TRPM6: variants seen among roughly 807,000 people sequenced by gnomAD.
TRPM6 encodes transient receptor potential cation channel subfamily M member 6.
A neutral mutation model predicts 247.6 loss-of-function variants in TRPM6; 111 were observed. That is an observed-to-expected ratio of 0.45 (90% CI 0.38 to 0.52). TRPM6 has a LOEUF of 0.52. Ranked by LOEUF, TRPM6 falls within the 20% of genes least tolerant of loss-of-function variation. TRPM6 has a pLI of 0.00. For synonymous variants in TRPM6, 892 were observed against 853.8 expected (o/e 1.04, Z -0.78); for missense variants, 2,126 against 2,421.5 (o/e 0.88, Z 2.56).
intron 38 of TRPM6, 45 bp from the exon 39 acceptor site, chr9:74,724,791 C>T: frequency 6.2e-7 from 1 of 1,613,154 alleles, no homozygotes; most frequent in Non-Finnish European, 8.5e-7. Flanking sequence ...ACCCCAAGAA[C>T]CTACTGTTCA....
chr9:74,807,574 A>T (rs1435139870), intron 14 of TRPM6, among the ~76,000 whole-genome samples: 1 of 152,216 alleles, frequency 6.6e-6, no homozygotes, highest in African/African-American at 2.4e-5. Flanking sequence ...AGGATATTCT[A>T]CACGCATCTT....
intron 24 of TRPM6, among the ~76,000 whole-genome samples, chr9:74,773,567 A>G (rs1201253050): frequency 6.6e-6 from 1 of 152,238 alleles, no homozygotes; most frequent in Admixed American, 6.5e-5. Flanking sequence ...TGCCTAATAG[A>G]ATAATATACC....
At chr9:74,779,185 G>GA (rs1443963456) in intron 23 of TRPM6, among the ~76,000 whole-genome samples, 1 of 152,180 alleles carries the variant, frequency 6.6e-6, no homozygotes, top group Admixed American at 6.5e-5. Flanking sequence ...GTTGAGGTGG[G>GA]AGGATTGCTT....
chr9:74,763,183 G>C (rs763572087), intron 25 of TRPM6, 49 bp from the exon 26 acceptor site: 1 of 1,572,560 alleles, frequency 6.4e-7, no homozygotes, highest in Admixed American at 1.7e-5. Flanking sequence ...AAGCCAGTGG[G>C]AATTTGCTCT....
At chr9:74,880,883 G>A (rs182175274) in intron 1 of TRPM6, among the ~76,000 whole-genome samples, 5 of 152,176 alleles carry the variant, frequency 3.3e-5, no homozygotes, top group East Asian at 3.9e-4. Flanking sequence ...ACAAAACAAC[G>A]AGACATCAAT....
rs550129655 is a variant in TRPM6, at chr9:74,852,386, T to A, written c.152+3141A>T. ...ATTTTCTTTCAATAAAAAAAAAAAA[T>A]TGTATAAATGCATAAAAGTGTCCCG... is the stretch of plus-strand genomic sequence containing the variant. On this transcript the variant is annotated intron_variant, in intron 3 of 38. Transcript: ENST00000360774. Among the ~76,000 whole-genome samples, 205 of 150,546 alleles carry A rather than the reference T, an allele frequency of 1.4e-3. 1 individual carries two copies. The highest frequency in any genetic ancestry group is 4.9e-3 in the African/African-American group (199 of 40,630).
Position 74,826,732 on chromosome 9 carries a change from CTTTCTT to C in TRPM6, c.841+1040_841+1045del, listed in dbSNP as rs1829346743. The C allele has an allele frequency of 7.1e-3, 840 of 118,614 alleles. 2 individuals are homozygous for C. Among genetic ancestry groups the C allele is most frequent in the South Asian group, 1.0e-2 (30 of 3,012 alleles). 7.3% of individuals were successfully genotyped at this position (118,614 alleles called of 1,614,324 possible). A position where few individuals can be genotyped will look rare whatever the true frequency, so the allele number is the denominator to read the frequency against. ...AAGGTCCCTATTTCTTTTTCTTTTT[CTTTCTT>C]TTTTTTTTTTTTTTTTTTGAGACAG... On this transcript the variant is annotated intron_variant, in intron 7 of 38. Transcript: ENST00000360774.
At position 74,796,803 on chromosome 9, in the gene TRPM6, A is replaced by AGTCCTGGG; in HGVS notation, c.2321_2328dup (p.Phe777ProfsTer24). On this transcript the variant is annotated frameshift_variant, in exon 18 of 39. Transcript: ENST00000360774. LOFTEE classifies it high-confidence loss of function. ...TCACTGTAATACCACATAAATTGGA[A>AGTCCTGGG]GTCCTGGGACTGGGGAACATGTGAC... 1.2e-6 allele frequency: 2 copies of AGTCCTGGG among 1,614,110 alleles called. No homozygotes were observed. The highest frequency in any genetic ancestry group is 1.7e-6 in the Non-Finnish European group (2 of 1,179,940).
Position 74,802,176 on chromosome 9 carries a change from C to A in TRPM6, c.1732-1G>T. The A allele has an allele frequency of 6.2e-7, 1 of 1,613,480 alleles. No individual in the cohort carries two copies. The highest frequency in any genetic ancestry group is 8.5e-7 in the Non-Finnish European group (1 of 1,179,566). On this transcript the variant is annotated splice_acceptor_variant, in intron 15 of 38. Transcript: ENST00000360774. LOFTEE classifies it high-confidence loss of function. ...ATTTATGAAGGACTATAGACTTTTC[C>A]TGTTGGAAAATAAAATAGGAATGAG...
chr9:74,773,268 A>G (rs1309207274), intron 24 of TRPM6, among the ~76,000 whole-genome samples: 2 of 152,244 alleles, frequency 1.3e-5, no homozygotes, highest in African/African-American at 2.4e-5. Context: ...ACAGTAAATA[A>G]CCAATAGGTT....
chr9:74,782,006 G>A (rs1397560175), intron 23 of TRPM6, among the ~76,000 whole-genome samples: 1 of 152,114 alleles, frequency 6.6e-6, no homozygotes, highest in East Asian at 1.9e-4. Flanking sequence ...TACTATATTA[G>A]GTATTATAGA....
intron 23 of TRPM6, among the ~76,000 whole-genome samples, chr9:74,780,573 A>C (rs1827402871): frequency 6.6e-6 from 1 of 152,222 alleles, no homozygotes; most frequent in Non-Finnish European, 1.5e-5. Flanking sequence ...TTGGAGCAGA[A>C]GAGTAATATC....
intron 30 of TRPM6, among the ~76,000 whole-genome samples, chr9:74,750,449 T>C (rs1056693962): frequency 6.6e-6 from 1 of 152,192 alleles, no homozygotes; most frequent in African/African-American, 2.4e-5. Context: ...TGTGTTTCGT[T>C]ATATTCTTAA....
At chr9:74,805,957 T>C (rs1828512466) in intron 14 of TRPM6, among the ~76,000 whole-genome samples, 1 of 152,206 alleles carries the variant, frequency 6.6e-6, no homozygotes, top group Non-Finnish European at 1.5e-5. Context: ...GTTGATTGGA[T>C]ATTTCATTAT....
At chr9:74,745,006 C>G (rs1327824) in intron 31 of TRPM6, among the ~76,000 whole-genome samples, 10,935 of 152,292 alleles carry the variant, frequency 0.072, 430 homozygotes, top group East Asian at 0.14. Context: ...AAGTATTCCT[C>G]TCCCACTATG....
chr9:74,836,366 T>C (rs1409348319), intron 5 of TRPM6, among the ~76,000 whole-genome samples: 2 of 152,218 alleles, frequency 1.3e-5, no homozygotes, highest in Admixed American at 6.5e-5. Flanking sequence ...GCATATGGCA[T>C]GGATCTGAGG....
At chr9:74,734,020 T>C (rs1187572598) in intron 36 of TRPM6, among the ~76,000 whole-genome samples, 1 of 152,212 alleles carries the variant, frequency 6.6e-6, no homozygotes, top group Non-Finnish European at 1.5e-5. Flanking sequence ...CAATAAAATT[T>C]ACCTTTGAAA....
At chr9:74,872,553 C>A (rs889336648) in intron 1 of TRPM6, among the ~76,000 whole-genome samples, 1 of 152,116 alleles carries the variant, frequency 6.6e-6, no homozygotes, top group African/African-American at 2.4e-5. Flanking sequence ...GCCTTATCCT[C>A]CCAAGTAGCT....
intron 14 of TRPM6, among the ~76,000 whole-genome samples, chr9:74,805,013 T>C (rs1280782208): frequency 6.6e-6 from 1 of 152,210 alleles, no homozygotes; most frequent in Admixed American, 6.5e-5. Flanking sequence ...TAAAATTAGT[T>C]TAATTTTACA....
Sources: gnomAD v4.1 joint callset for allele counts (sites outside exome capture counted in the v4.1 genomes callset) on GRCh38, gnomAD v4.1.1 for gene constraint, MANE v1.5 for transcripts, NCBI Gene and HGNC (gene_info 2026-07-23, HGNC 2026-07-21) for gene names.